ATP13A2: variants seen among roughly 807,000 people sequenced by gnomAD.
ATP13A2 encodes polyamine-transporting ATPase 13A2.
In ATP13A2, 83 loss-of-function variants were observed where a neutral mutation model predicts 138.3. The observed-to-expected ratio is 0.60, with a 90% confidence interval of 0.50 to 0.72. ATP13A2 has a LOEUF of 0.72. Ranked by LOEUF, ATP13A2 falls within the 30% of genes least tolerant of loss-of-function variation. The pLI is 0.00. For missense variants in ATP13A2, 1,402 were observed against 1,606.4 expected, an observed-to-expected ratio of 0.87 and a Z score of 2.17; for synonymous variants, 663 against 699.0, an observed-to-expected ratio of 0.95 and a Z score of 0.81.
Position 16,997,182 on chromosome 1 carries a change from G to A in ATP13A2, c.1040-7C>T. On this transcript the variant is annotated splice_region_variant and splice_polypyrimidine_tract_variant and intron_variant, in intron 11 of 28. Transcript: ENST00000326735. ...AGCACTGGAATGCTCTCTCCTGGTG[G>A]GGAACGTGGTGTGAGGACCACTCCA... 2.5e-6 allele frequency: 4 copies of A among 1,613,348 alleles called. No individual in the cohort carries two copies. Among genetic ancestry groups the A allele is most frequent in the Non-Finnish European group, 3.4e-6 (4 of 1,180,020 alleles).
intron 6 of ATP13A2, among the ~76,000 whole-genome samples, chr1:17,002,766 T>C (rs1262401516): frequency 6.6e-6 from 1 of 152,140 alleles, no homozygotes; most frequent in Non-Finnish European, 1.5e-5. Context: ...CATGGGTAGA[T>C]TAAGTGGGGC....
At chr1:16,993,514 T>G in intron 16 of ATP13A2, 115 bp downstream of exon 16, 1 of 1,072,838 alleles carries the variant, frequency 9.3e-7, no homozygotes, top group Non-Finnish European at 1.3e-6. Flanking sequence ...GGCCTATTAT[T>G]ATTAATGGTG....
chr1:17,011,096 A>G lies in ATP13A2; in HGVS notation c.10+633T>C, dbSNP rs72893363. Among the ~76,000 whole-genome samples the G allele has an allele frequency of 1.9e-3, 293 of 152,152 alleles. 4 individuals are homozygous for G. The highest frequency in any genetic ancestry group is 6.2e-3 in the African/African-American group (258 of 41,510). ...TGGATAGGGGAGGAGGACTGGCCCC[A>G]TTCCCGGCAGGTGGGATTTAAATTA... On this transcript the variant is annotated intron_variant, in intron 1 of 28. Transcript: ENST00000326735. The surrounding 1 kb of genome is among the most constrained non-coding windows in gnomAD (Gnocchi z 7.3).
chr1:17,002,164 G>C, intron 7 of ATP13A2, 61 bp from the exon 8 acceptor site: 2 of 1,588,798 alleles, frequency 1.3e-6, no homozygotes, highest in South Asian at 2.3e-5. Flanking sequence ...CCCTCCCGGG[G>C]TGAAGGAGCT....
Position 16,996,272 on chromosome 1 carries a change from G to A in ATP13A2, c.1335C>T (p.Phe445=). The change falls in exon 14 of 29, where the codon TTC becomes TTT. Residue 445 remains phenylalanine, a synonymous_variant. Transcript: ENST00000326735. ...GGCTTACCCGGTTTCGGTAGAGGAT[G>A]AAGATGCTGTAGATGGTGCCGAGGA... ...LALLGTIYSI[F]ILYRNRVPLN... is the part of the protein sequence containing the mutation. 1 of 1,614,192 alleles carries A rather than the reference G, an allele frequency of 6.2e-7. No individual in the cohort carries two copies. Among genetic ancestry groups the A allele is most frequent in the Non-Finnish European group, 8.5e-7 (1 of 1,180,038 alleles).
At chr1:16,996,898 A>G in intron 12 of ATP13A2, 122 bp downstream of exon 12, 1 of 1,288,646 alleles carries the variant, frequency 7.8e-7, no homozygotes, top group Admixed American at 2.0e-5. Flanking sequence ...GAGGTCCCAC[A>G]GCAGGGCAGC....
chr1:16,987,117 G>A lies in ATP13A2; in HGVS notation c.3012C>T (p.Ser1004=), dbSNP rs748402756. ...TCACCAGGACCATCTGCAGCAGCAG[G>A]CTGCTGAGCACGGGCACGCTGAGCA... ...GALLSVPVLS[S]LLLQMVLVTG... Residue 1004 remains serine (S), a synonymous_variant, in exon 26 of 29, where the codon AGC becomes AGT. Transcript: ENST00000326735. 3 of 1,613,424 alleles carry A rather than the reference G, an allele frequency of 1.9e-6. No individual in the cohort carries two copies. Among genetic ancestry groups the A allele is most frequent in the Non-Finnish European group, 8.5e-7 (1 of 1,179,930 alleles).
At chr1:16,998,677 C>T (rs150672758) in intron 11 of ATP13A2, among the ~76,000 whole-genome samples, 18 of 152,242 alleles carry the variant, frequency 1.2e-4, no homozygotes, top group African/African-American at 2.9e-4. Flanking sequence ...GCTCCTGTGG[C>T]GTCCTTTGCA....
chr1:16,987,237 C>T lies in ATP13A2; in HGVS notation c.2892G>A (p.Leu964=). The T allele has an allele frequency of 6.2e-7, 1 of 1,613,834 alleles. No homozygotes were observed. Among genetic ancestry groups the T allele is most frequent in the Admixed American group, 1.7e-5 (1 of 60,020 alleles). ...TGGTGGTGATGACCAGGTCGATGGCCAGGAACTGCAGGTCACCCAGGTTGG... is the reference window on the plus strand; with the variant it reads ...TGGTGGTGATGACCAGGTCGATGGCTAGGAACTGCAGGTCACCCAGGTTGG... The part of the protein sequence containing the change: ...INTNLGDLQF[L]AIDLVITTTV... Residue 964 remains leucine, a synonymous_variant, in exon 26 of 29, where the codon CTG becomes CTA. Transcript: ENST00000326735.
rs2076803289 is a variant in ATP13A2 at position 16,988,220 on chromosome 1, G to A, written c.2777C>T (p.Ser926Phe). ...GAAGACGCTGAACGAAGTGTCAAGGGAACAGCGCCCCTCCCTGGGTGGCAG... is the reference window on the plus strand; with the variant it reads ...GAAGACGCTGAACGAAGTGTCAAGGAAACAGCGCCCCTCCCTGGGTGGCAG... ...VPMVIREGRC[S>F]LDTSFSVFKY... Residue 926 changes from serine (S) to phenylalanine (F), a missense_variant, in exon 25 of 29, where the codon TCC (serine) becomes TTC (phenylalanine). Ser to Phe is a radical substitution (Grantham distance 155). Transcript: ENST00000326735. 1 of 1,614,192 alleles carries A rather than the reference G, an allele frequency of 6.2e-7. No homozygotes were observed. The highest frequency in any genetic ancestry group is 8.5e-7 in the Non-Finnish European group (1 of 1,180,024).
chr1:17,000,804 G>C (rs1204934537), intron 8 of ATP13A2: 1 of 443,194 alleles, frequency 2.3e-6, no homozygotes, highest in Non-Finnish European at 4.1e-6. Context: ...TAGCCTGATG[G>C]GGTGGCCTGT....
intron 11 of ATP13A2, 116 bp downstream of exon 11, chr1:16,999,895 C>T (rs773439886): frequency 3.4e-5 from 46 of 1,360,000 alleles, no homozygotes; most frequent in East Asian, 5.0e-5. Flanking sequence ...AGTGAAACTC[C>T]GTCTCACAAA....
intron 12 of ATP13A2, 31 bp from the exon 13 acceptor site, chr1:16,996,527 G>A (rs1309539459): frequency 6.3e-7 from 1 of 1,593,550 alleles, no homozygotes; most frequent in East Asian, 2.2e-5. Context: ...CCAAGGCAGG[G>A]AAGCCAGGGT....
chr1:16,997,631 C>T (rs944572559), intron 11 of ATP13A2, among the ~76,000 whole-genome samples: 1 of 152,226 alleles, frequency 6.6e-6, no homozygotes, highest in Non-Finnish European at 1.5e-5. Flanking sequence ...CACTTGAGGC[C>T]AGGAGTTCGG....
rs1369603001 is a variant in ATP13A2, at chr1:16,996,123, C to T, written c.1395G>A (p.Val465=). 8.7e-6 allele frequency: 14 copies of T among 1,614,124 alleles called. No individual in the cohort carries two copies. The highest frequency in any genetic ancestry group is 1.1e-5 in the Non-Finnish European group (13 of 1,180,030). ...NEIVIRALDL[V]TVVVPPALPA... Reference sequence around the variant, plus strand: ...GCAGGGCAGGTGGCACCACCACGGTCACCAGGTCGAGAGCCCGGATTACAA... The same window carrying T: ...GCAGGGCAGGTGGCACCACCACGGTTACCAGGTCGAGAGCCCGGATTACAA... The change falls in exon 15 of 29, where the codon GTG becomes GTA. Residue 465 remains valine, a synonymous_variant. Transcript: ENST00000326735.
At position 16,986,098 on chromosome 1, in the gene ATP13A2, G is replaced by A. The variant is rs1218409194; in HGVS notation, c.*123C>T. The A allele has an allele frequency of 1.3e-6, 2 of 1,562,568 alleles. No individual in the cohort carries two copies. On this transcript the variant is annotated 3_prime_UTR_variant, in exon 29 of 29. Coordinates refer to ENST00000326735, the MANE Select transcript of ATP13A2 (RefSeq NM_022089.4). The surrounding 1 kb of genome is among the most constrained non-coding windows in gnomAD (Gnocchi z 6.9). The stretch of plus-strand genomic sequence containing the variant: ...CAGGGTGGGGGTGGTCTCGGGGGAG[G>A]AGTGTAGACAGTCGCCAACCTCAGG...
chr1:16,997,414 C>CGGGGG (rs1379881479), intron 11 of ATP13A2, among the ~76,000 whole-genome samples: 418 of 54,778 alleles, frequency 7.6e-3, no homozygotes, highest in East Asian at 0.031. Flanking sequence ...CTGGAACCAG[C>CGGGGG]GGGGGGGGGT....
rs1473907673 is a variant in ATP13A2, at chr1:17,004,126, AC to A, written c.557+205del. Among the ~76,000 whole-genome samples, 1 of 152,182 alleles carries A rather than the reference AC, an allele frequency of 6.6e-6. No homozygotes were observed. Among genetic ancestry groups the A allele is most frequent in the Non-Finnish European group, 1.5e-5 (1 of 68,026 alleles). ...AATTATTATCTATTTCACCATCAAA[AC>A]AATCCTAGGAGGCAGAAGTTATCTT... On this transcript the variant is annotated intron_variant, in intron 6 of 28. Transcript: ENST00000326735. The surrounding 1 kb of genome is among the most constrained non-coding windows in gnomAD (Gnocchi z 4.1).
chr1:17,007,348 C>T (rs2077596623), intron 1 of ATP13A2, among the ~76,000 whole-genome samples: 1 of 152,140 alleles, frequency 6.6e-6, no homozygotes, highest in Non-Finnish European at 1.5e-5. Context: ...GCACCTTTTA[C>T]ATATGCAGAT....
Sources: allele counts gnomAD v4.1 joint callset (sites outside exome capture counted in the v4.1 genomes callset), GRCh38; gene constraint gnomAD v4.1.1; non-coding constraint Gnocchi (gnomAD v3.1); transcripts MANE v1.5; gene names NCBI Gene and HGNC (gene_info 2026-07-23, HGNC 2026-07-21).